RRAGC: variants seen among roughly 807,000 people sequenced by gnomAD.
RRAGC encodes the protein Ras related GTP binding C.
Under a neutral mutation model 37.1 loss-of-function variants are expected in RRAGC, and 8 were observed. The observed-to-expected ratio is 0.22, with a 90% CI of 0.13 to 0.39. The LOEUF is 0.39. Ranked by LOEUF, RRAGC falls within the 10% of genes least tolerant of loss-of-function variation. The pLI is 1.00. For missense variants in RRAGC, 342 were observed against 497.6 expected (o/e 0.69, Z 2.98); for synonymous variants, 190 against 181.1 (o/e 1.05, Z -0.39).
intron 6 of RRAGC, among the ~76,000 whole-genome samples, chr1:38,840,719 G>T (rs549454299): frequency 6.6e-6 from 1 of 150,378 alleles, no homozygotes; most frequent in African/African-American, 2.4e-5. Context: ...TGGAAGACAG[G>T]AAAAAAAAAT....
In RRAGC at chr1:38,856,859, G is replaced by A; in HGVS notation, c.441+20C>T. ...ATCTTTTTCCCACCAGGAAAGAGGAGTAAACACATTACTGACTACCTGTGC... is the reference window on the plus strand; with the variant it reads ...ATCTTTTTCCCACCAGGAAAGAGGAATAAACACATTACTGACTACCTGTGC... On this transcript the variant is annotated intron_variant, in intron 2 of 6. Coordinates refer to ENST00000373001, the MANE Select transcript of RRAGC (RefSeq NM_022157.4). The A allele has an allele frequency of 6.2e-7, 1 of 1,608,276 alleles. No homozygotes were observed. The highest frequency in any genetic ancestry group is 1.1e-5 in the South Asian group (1 of 90,916).
chr1:38,855,962 G>A, intron 2 of RRAGC, 55 bp from the exon 3 acceptor site: 3 of 1,318,654 alleles, frequency 2.3e-6, no homozygotes. Context: ...GCCAAGTAAT[G>A]AGTTAAAGCC....
At position 38,838,359 on chromosome 1, in the gene RRAGC, A is replaced by G. The variant is rs1349203670; in HGVS notation, c.*1194T>C. 4 of 152,268 alleles carry G rather than the reference A, an allele frequency of 2.6e-5. No individual in the cohort carries two copies. The highest frequency in any genetic ancestry group is 5.9e-5 in the Non-Finnish European group (4 of 68,056). 9.4% of individuals were successfully genotyped at this position (152,268 alleles called of 1,614,324 possible). A position where few individuals can be genotyped will look rare whatever the true frequency, so the allele number is the denominator to read the frequency against. ...CACTCCAAGTCACACTGTTAGCTTT[A>G]CAGACCTGAATATACATATTGCATT... On this transcript the variant is annotated 3_prime_UTR_variant, in exon 7 of 7. Transcript: ENST00000373001.
At position 38,843,693 on chromosome 1, in the gene RRAGC, C is replaced by A. The variant is rs140272521; in HGVS notation, c.1048+2246G>T. Among the ~76,000 whole-genome samples the A allele has an allele frequency of 1.3e-3, 199 of 148,606 alleles. 1 individual carries two copies. In the East Asian group the frequency reaches 0.023, roughly 17 times the overall value. On this transcript the variant is annotated intron_variant, in intron 6 of 6. Coordinates refer to ENST00000373001, the MANE Select transcript of RRAGC (RefSeq NM_022157.4). Reference sequence around the variant, plus strand: ...CGAGATTGCGCCACTGCACTCCAGCCTAGGCAACAGAGCGAGACTGTCTCA... The same window carrying A: ...CGAGATTGCGCCACTGCACTCCAGCATAGGCAACAGAGCGAGACTGTCTCA...
At chr1:38,851,890 G>A (rs1041897047) in intron 4 of RRAGC, 133 bp from the exon 5 acceptor site, 21 of 685,362 alleles carry the variant, frequency 3.1e-5, no homozygotes, top group Non-Finnish European at 4.3e-5. Context: ...AAAACAAATA[G>A]CACTTGCTTG....
intron 6 of RRAGC, among the ~76,000 whole-genome samples, chr1:38,840,147 CAAAA>C (rs397939319): frequency 8.9e-5 from 4 of 45,100 alleles, no homozygotes; most frequent in South Asian, 7.5e-4. Context: ...GACTCCAACT[CAAAA>C]AAAAAAAAAA....
At chr1:38,850,598 G>A (rs1051382582) in intron 5 of RRAGC, among the ~76,000 whole-genome samples, 1 of 151,710 alleles carries the variant, frequency 6.6e-6, no homozygotes, top group South Asian at 2.1e-4. Context: ...ATATAGAATA[G>A]GTAAGACAAA....
chr1:38,859,468 G>C lies in RRAGC; in HGVS notation c.179C>G (p.Ser60Cys). 1 of 1,548,156 alleles carries C rather than the reference G, an allele frequency of 6.5e-7. No individual in the cohort carries two copies. The highest frequency in any genetic ancestry group is 8.7e-7 in the Non-Finnish European group (1 of 1,146,662). The change falls in exon 1 of 7, where the codon TCC becomes TGC. Residue 60 changes from serine to cysteine, a missense_variant. By Grantham distance (112) the Ser-to-Cys change is moderately radical. This residue lies in a region of RRAGC where 104 missense variants were observed against 93.4 expected (regional missense o/e 1.11). Transcript: ENST00000373001. ...TCCCATGAGCAGAATCCTCGGCTTG[G>C]AGCTGTCAGCGCCCCCCGGACCACA... is the stretch of plus-strand genomic sequence containing the variant. Reference protein sequence around the residue: ...GGCGPGGADSSKPRILLMGLR... With the variant: ...GGCGPGGADSCKPRILLMGLR...
intron 5 of RRAGC, 182 bp from the exon 6 acceptor site, chr1:38,846,269 C>A: frequency 3.7e-6 from 2 of 536,528 alleles, no homozygotes; most frequent in Non-Finnish European, 6.5e-6. Flanking sequence ...TCAGGGATAC[C>A]TATTAAAAAC....
intron 5 of RRAGC, 114 bp downstream of exon 5, chr1:38,851,501 T>C (rs776174880): frequency 6.4e-5 from 59 of 925,098 alleles, no homozygotes; most frequent in Non-Finnish European, 8.7e-5. Context: ...GTCAGAACAA[T>C]CCCAGTTCAT....
intron 6 of RRAGC, among the ~76,000 whole-genome samples, chr1:38,841,890 G>A (rs1361211274): frequency 6.6e-6 from 1 of 152,106 alleles, no homozygotes; most frequent in Admixed American, 6.5e-5. Context: ...TAATCCCAGC[G>A]CTTTGGGAGG....
chr1:38,857,590 CA>C (rs1642182844), intron 1 of RRAGC, among the ~76,000 whole-genome samples: 1 of 152,284 alleles, frequency 6.6e-6, no homozygotes, highest in South Asian at 2.1e-4. Context: ...TGAAAACGTC[CA>C]GGGGGAGGCC....
In RRAGC at chr1:38,839,304, C is replaced by T. The variant is rs543453355; in HGVS notation, c.*249G>A. On this transcript the variant is annotated 3_prime_UTR_variant, in exon 7 of 7. Coordinates refer to ENST00000373001, the MANE Select transcript of RRAGC (RefSeq NM_022157.4). ...AAGGGGACCCAAAAGAGGAGAAACACACACTTGAGTTCTGTGGTCTCCAGA... is the reference window on the plus strand; with the variant it reads ...AAGGGGACCCAAAAGAGGAGAAACATACACTTGAGTTCTGTGGTCTCCAGA... The T allele has an allele frequency of 2.7e-6, 1 of 375,716 alleles. No homozygotes were observed. The highest frequency in any genetic ancestry group is 2.1e-5 in the African/African-American group (1 of 48,728). The allele number at this position is 375,716 out of a possible 1,614,324, so 23.3% of individuals were successfully genotyped here.
In RRAGC at chr1:38,856,821, C is replaced by G. The variant is rs541668426; in HGVS notation, c.441+58G>C. On this transcript the variant is annotated intron_variant, in intron 2 of 6. Coordinates refer to ENST00000373001, the MANE Select transcript of RRAGC (RefSeq NM_022157.4). ...CATGACAAAGAAGATAAACAACTTT[C>G]CTTTGTTTCTACATCTTTTTCCCAC... 4 of 1,512,692 alleles carry G rather than the reference C, an allele frequency of 2.6e-6. No individual in the cohort carries two copies. In the Admixed American group the frequency reaches 5.1e-5, roughly 19 times the overall value. 93.7% of individuals were successfully genotyped at this position (1,512,692 alleles called of 1,614,324 possible).
chr1:38,853,390 G>A (rs1394781691), intron 3 of RRAGC, among the ~76,000 whole-genome samples: 2 of 152,054 alleles, frequency 1.3e-5, no homozygotes, highest in Non-Finnish European at 2.9e-5. Context: ...TTATATAGTC[G>A]CATCCACCAC....
chr1:38,859,699 A>T lies in RRAGC; in HGVS notation c.-53T>A. The T allele has an allele frequency of 2.2e-6, 3 of 1,353,890 alleles. No homozygotes were observed. The highest frequency in any genetic ancestry group is 2.9e-6 in the Non-Finnish European group (3 of 1,048,098). The allele number at this position is 1,353,890 out of a possible 1,614,324, so 83.9% of individuals were successfully genotyped here. A position where few individuals can be genotyped will look rare whatever the true frequency, so the allele number is the denominator to read the frequency against. The stretch of plus-strand genomic sequence containing the variant: ...CTGACAGGCCAGGCCAGGCCGAGCC[A>T]GGCCGCCGCCTCCCCAGTCCGCCTC... On this transcript the variant is annotated 5_prime_UTR_variant, in exon 1 of 7. Transcript: ENST00000373001.
chr1:38,849,049 A>G (rs1029621819), intron 5 of RRAGC, among the ~76,000 whole-genome samples: 2 of 151,574 alleles, frequency 1.3e-5, no homozygotes, highest in Non-Finnish European at 2.9e-5. Context: ...AGAGGCTGCA[A>G]TGAGCTGTCA....
chr1:38,852,342 T>G, intron 4 of RRAGC, 32 bp downstream of exon 4: 1 of 1,086,620 alleles, frequency 9.2e-7, no homozygotes, highest in Non-Finnish European at 1.4e-6. Flanking sequence ...AATCAGAAGC[T>G]GCAGTGAATT....
At chr1:38,852,722 T>C (rs1403589793) in intron 3 of RRAGC, 1 of 270,844 alleles carries the variant, frequency 3.7e-6, no homozygotes, top group South Asian at 1.1e-4. Flanking sequence ...GAGAAAAGGA[T>C]TTTCAGGTAC....
Sources: gnomAD v4.1 joint callset for allele counts (sites outside exome capture counted in the v4.1 genomes callset) on GRCh38, gnomAD v4.1.1 for gene constraint, gnomAD v4.1.1 regional missense constraint, MANE v1.5 for transcripts, NCBI Gene and HGNC (gene_info 2026-07-23, HGNC 2026-07-21) for gene names.